Variants in DNAH14 observed in about 807,000 individuals in gnomAD.
DNAH14 encodes axonemal beta dynein heavy chain 14.
DNAH14 carries 478 observed loss-of-function variants against 520.9 expected under a neutral mutation model. The ratio of observed to expected loss-of-function variants is 0.92; its 90% CI spans 0.85 to 0.99. The LOEUF is 0.99. Ranked by LOEUF, DNAH14 falls within the 50% of genes least tolerant of loss-of-function variation. The pLI is 0.00. For missense variants in DNAH14, 4,831 were observed against 5,234.5 expected (o/e 0.92, Z 2.38); for synonymous variants, 1,581 against 1,757.2 (o/e 0.90, Z 2.51).
At chr1:225,359,853 T>G (rs889120840) in intron 74 of DNAH14, among the ~76,000 whole-genome samples, 1 of 152,264 alleles carries the variant, frequency 6.6e-6, no homozygotes, top group African/African-American at 2.4e-5. Context: ...TAATTTTGTT[T>G]CATTTTAAGT....
intron 35 of DNAH14, among the ~76,000 whole-genome samples, chr1:225,163,001 G>A (rs2149165454): frequency 6.6e-6 from 1 of 152,024 alleles, no homozygotes; most frequent in Non-Finnish European, 1.5e-5. Flanking sequence ...AGCGGGGCGT[G>A]GTGGCACATG....
chr1:225,023,468 T>C, intron 10 of DNAH14, 147 bp from the exon 11 acceptor site: 1 of 579,704 alleles, frequency 1.7e-6, no homozygotes, highest in South Asian at 4.1e-5. Flanking sequence ...AGGCCTACCC[T>C]TTAAATCATT....
intron 17 of DNAH14, among the ~76,000 whole-genome samples, chr1:225,073,173 A>G (rs1470303793): frequency 6.6e-6 from 1 of 152,186 alleles, no homozygotes; most frequent in Non-Finnish European, 1.5e-5. Flanking sequence ...GATGAATAGG[A>G]ATGGGGTTGG....
At chr1:225,092,239 C>G (rs1351307399) in intron 21 of DNAH14, among the ~76,000 whole-genome samples, 1 of 152,066 alleles carries the variant, frequency 6.6e-6, no homozygotes, top group Non-Finnish European at 1.5e-5. Flanking sequence ...ATCTACAGAA[C>G]TTTTCACCCC....
chr1:225,140,724 T>C lies in DNAH14; in HGVS notation c.4255-44T>C, dbSNP rs11805350. 0.018 allele frequency: 23,350 copies of C among 1,302,832 alleles called. 2,865 individuals carry two copies. The African/African-American group carries it at 0.29, about 16-fold the overall frequency. 80.7% of individuals were successfully genotyped at this position (1,302,832 alleles called of 1,614,324 possible). On this transcript the variant is annotated intron_variant, in intron 27 of 85. Transcript: ENST00000682510. Reference sequence around the variant, plus strand: ...ATAAAATTTATGCTTCAATTATATATATATAGAGAGAGATATATATATAAC... The same window carrying C: ...ATAAAATTTATGCTTCAATTATATACATATAGAGAGAGATATATATATAAC...
intron 23 of DNAH14, among the ~76,000 whole-genome samples, chr1:225,112,229 G>C (rs1297920235): frequency 6.6e-6 from 1 of 151,964 alleles, no homozygotes; most frequent in East Asian, 1.9e-4. Flanking sequence ...AGGATATTTT[G>C]GACAGATATA....
At chr1:225,386,449 C>T (rs780155436) in intron 81 of DNAH14, among the ~76,000 whole-genome samples, 6 of 152,226 alleles carry the variant, frequency 3.9e-5, no homozygotes, top group South Asian at 2.1e-4. Flanking sequence ...AGGCAACCTA[C>T]GGAATGGGAG....
chr1:224,939,987 A>C (rs2059306685), intron 1 of DNAH14, among the ~76,000 whole-genome samples: 1 of 152,176 alleles, frequency 6.6e-6, no homozygotes, highest in African/African-American at 2.4e-5. Context: ...AGCTTCAATC[A>C]ACAACAATTT....
intron 36 of DNAH14, among the ~76,000 whole-genome samples, chr1:225,184,064 C>T (rs976344860): frequency 2.6e-5 from 4 of 152,148 alleles, no homozygotes; most frequent in African/African-American, 9.7e-5. Context: ...TACTCCCAAA[C>T]TCATTATATA....
intron 69 of DNAH14, among the ~76,000 whole-genome samples, chr1:225,344,019 G>A (rs987261186): frequency 2.0e-5 from 3 of 152,044 alleles, no homozygotes; most frequent in East Asian, 1.9e-4. Context: ...ACACATTAGG[G>A]CACTATATGC....
At chr1:225,328,530 C>T (rs1398567521) in intron 64 of DNAH14, among the ~76,000 whole-genome samples, 2 of 152,026 alleles carry the variant, frequency 1.3e-5, no homozygotes, top group African/African-American at 4.8e-5. Flanking sequence ...TTAAGCCCTT[C>T]GTGGAAATTT....
At chr1:225,231,033 T>A in intron 41 of DNAH14, 40 bp from the exon 42 acceptor site, 1 of 1,437,482 alleles carries the variant, frequency 7.0e-7, no homozygotes, top group East Asian at 2.5e-5. Flanking sequence ...AAATTTTAGG[T>A]CTGTTGTTAA....
chr1:225,308,469 C>A (rs929167094), intron 60 of DNAH14, 59 bp downstream of exon 60: 85 of 1,465,414 alleles, frequency 5.8e-5, no homozygotes, highest in African/African-American at 1.0e-4. Flanking sequence ...TATTCCCTAA[C>A]CTTCAAATTT....
At chr1:225,243,737 G>C (rs979404547) in intron 43 of DNAH14, among the ~76,000 whole-genome samples, 2 of 152,104 alleles carry the variant, frequency 1.3e-5, no homozygotes, top group African/African-American at 4.8e-5. Flanking sequence ...TCAGCTTAAG[G>C]AGTTTTTGGG....
intron 10 of DNAH14, among the ~76,000 whole-genome samples, chr1:225,019,904 TAGAA>T (rs2065524771): frequency 6.6e-6 from 1 of 152,036 alleles, no homozygotes; most frequent in Admixed American, 6.6e-5. Context: ...CTCAAGAAGT[TAGAA>T]AGATCTCAAA....
chr1:225,212,057 TC>T (rs2088521289), intron 41 of DNAH14, among the ~76,000 whole-genome samples: 1 of 32,450 alleles, frequency 3.1e-5, no homozygotes, highest in Non-Finnish European at 5.5e-5. Flanking sequence ...CCCTCCCCCC[TC>T]CCCCCACCCC....
At position 225,051,457 on chromosome 1, in the gene DNAH14, A is replaced by G; in HGVS notation, c.2086A>G (p.Asn696Asp). The G allele has an allele frequency of 6.8e-7, 1 of 1,478,656 alleles. No homozygotes were observed. The highest frequency in any genetic ancestry group is 9.0e-7 in the Non-Finnish European group (1 of 1,114,612). The allele number at this position is 1,478,656 out of a possible 1,614,324, so 91.6% of individuals were successfully genotyped here. Reference protein sequence around the residue: ...TDPAYQNIIVNLLTIIGNSMG... With the variant: ...TDPAYQNIIVDLLTIIGNSMG... ...TCAACATTCTTCTTTACAGATTGTG[A>G]ATCTCCTGACTATTATTGGTAATTC... is the stretch of plus-strand genomic sequence containing the variant. The change falls in exon 17 of 86, where the codon AAT becomes GAT. Residue 696 changes from asparagine to aspartate, a missense_variant. Asn to Asp is a conservative substitution (Grantham distance 23). Transcript: ENST00000682510.
intron 42 of DNAH14, among the ~76,000 whole-genome samples, chr1:225,231,491 AT>A (rs1399337444): frequency 6.6e-6 from 1 of 152,094 alleles, no homozygotes; most frequent in East Asian, 1.9e-4. Flanking sequence ...TTAAGCTTTA[AT>A]TTTTTTCATT....
At chr1:225,024,201 A>G in intron 11 of DNAH14, 1 of 990,176 alleles carries the variant, frequency 1.0e-6, no homozygotes, top group South Asian at 4.6e-5. Flanking sequence ...TATATCTGGC[A>G]ATTCTGTGCC....
Sources: allele counts gnomAD v4.1 joint callset (sites outside exome capture counted in the v4.1 genomes callset), GRCh38; gene constraint gnomAD v4.1.1; transcripts MANE v1.5; gene names NCBI Gene and HGNC (gene_info 2026-07-23, HGNC 2026-07-21).